Variants in CPED1 observed in about 807,000 individuals in gnomAD.
CPED1 encodes cadherin like and PC-esterase domain containing 1.
CPED1 carries 114 observed loss-of-function variants against 128.2 expected under a neutral mutation model. That is an observed-to-expected ratio of 0.89 (90% CI 0.76 to 1.04). The LOEUF (loss-of-function observed/expected upper bound fraction) is 1.04, where lower values mean the gene tolerates loss of function less well. CPED1 is among the 50% of genes least tolerant of loss of function. The pLI is 0.00. For synonymous variants in CPED1, 462 were observed against 426.7 expected (o/e 1.08, Z -1.02); for missense variants, 1,211 against 1,207.1 (o/e 1.00, Z -0.05).
At chr7:121,139,925 T>C (rs1449807525) in intron 14 of CPED1, among the ~76,000 whole-genome samples, 4 of 152,112 alleles carry the variant, frequency 2.6e-5, no homozygotes, top group Non-Finnish European at 4.4e-5. Context: ...GAATTTTGTA[T>C]GTTTATCTTT....
At chr7:121,273,733 G>A (rs1444418287) in intron 22 of CPED1, among the ~76,000 whole-genome samples, 2 of 152,248 alleles carry the variant, frequency 1.3e-5, no homozygotes, top group Non-Finnish European at 2.9e-5. Context: ...CTTGAAGCTG[G>A]ATCATGCTGT....
At chr7:121,235,461 T>G (rs2116662474) in intron 16 of CPED1, among the ~76,000 whole-genome samples, 1 of 152,186 alleles carries the variant, frequency 6.6e-6, no homozygotes, top group South Asian at 2.1e-4. Context: ...TTGTATGAGA[T>G]CTGGGAATCT....
chr7:121,070,958 A>G (rs6969892), intron 5 of CPED1, among the ~76,000 whole-genome samples: 1 of 152,162 alleles, frequency 6.6e-6, no homozygotes, highest in Non-Finnish European at 1.5e-5. Flanking sequence ...GACTTGATCC[A>G]GGGACAGATT....
At chr7:121,285,404 T>C (rs1350668391) in intron 22 of CPED1, among the ~76,000 whole-genome samples, 1 of 152,258 alleles carries the variant, frequency 6.6e-6, no homozygotes, top group Non-Finnish European at 1.5e-5. Flanking sequence ...TCATTACTGA[T>C]GCAAATTTCT....
intron 16 of CPED1, among the ~76,000 whole-genome samples, chr7:121,218,753 G>A (rs948471761): frequency 6.6e-6 from 1 of 152,054 alleles, no homozygotes; most frequent in African/African-American, 2.4e-5. Context: ...AATACCTAAT[G>A]TAGATGACGG....
chr7:121,119,178 A>C (rs1298454046), intron 7 of CPED1, among the ~76,000 whole-genome samples: 1 of 151,638 alleles, frequency 6.6e-6, no homozygotes, highest in Non-Finnish European at 1.5e-5. Context: ...CTGAAATTCT[A>C]AAGTTTAAAT....
At chr7:121,034,774 A>C (rs756172020) in intron 3 of CPED1, among the ~76,000 whole-genome samples, 1 of 152,138 alleles carries the variant, frequency 6.6e-6, no homozygotes, top group Non-Finnish European at 1.5e-5. Flanking sequence ...ATGGTCAAAG[A>C]TGGGGCCTGA....
At chr7:121,041,385 T>A (rs376969998) in intron 3 of CPED1, among the ~76,000 whole-genome samples, 2 of 82 alleles carry the variant, frequency 0.024, no homozygotes, top group Non-Finnish European at 0.14. Flanking sequence ...TACAGAAAAA[T>A]ATATATATAT....
At chr7:121,133,776 T>G (rs1477865553) in intron 12 of CPED1, 47 bp from the exon 13 acceptor site, 1 of 1,281,996 alleles carries the variant, frequency 7.8e-7, no homozygotes, top group Non-Finnish European at 1.1e-6. Context: ...TTTCCACGCG[T>G]TTTGTTCATT....
intron 18 of CPED1, 65 bp downstream of exon 18, chr7:121,244,403 AGTT>A: frequency 6.4e-7 from 1 of 1,557,204 alleles, no homozygotes; most frequent in South Asian, 1.1e-5. Context: ...AAAATCGTAT[AGTT>A]GTATCTACTA....
Position 121,132,665 on chromosome 7 carries a change from A to G in CPED1, c.1578-1158A>G, listed in dbSNP as rs1795699488. On this transcript the variant is annotated intron_variant, in intron 12 of 22. Coordinates refer to ENST00000310396, the MANE Select transcript of CPED1 (RefSeq NM_024913.5). ...TCCTAGAAGTACAGTTGCATTGTAC[A>G]TTACTCTAAGGAAATGCTTTCAATG... 3.9e-5 allele frequency among the ~76,000 whole-genome samples: 6 copies of G among 152,178 alleles called. No individual in the cohort carries two copies. In the South Asian group the frequency reaches 1.0e-3, roughly 26 times the overall value.
intron 5 of CPED1, among the ~76,000 whole-genome samples, chr7:121,085,218 A>T (rs553138410): frequency 3.8e-4 from 58 of 152,236 alleles, no homozygotes; most frequent in Non-Finnish European, 7.5e-4. Flanking sequence ...GTCTGTGCTG[A>T]GGTGCCATGT....
chr7:120,997,940 AATAAAATAAAAT>A (rs1796437530), intron 2 of CPED1, among the ~76,000 whole-genome samples: 45 of 130,658 alleles, frequency 3.4e-4, no homozygotes, highest in African/African-American at 1.6e-3. Context: ...AATAAAATAA[AATAAAATAAAAT>A]AAAATAAAAT....
intron 7 of CPED1, among the ~76,000 whole-genome samples, chr7:121,107,865 A>G (rs957387841): frequency 2.6e-5 from 4 of 152,128 alleles, no homozygotes; most frequent in Admixed American, 6.6e-5. Context: ...AATATCCTCA[A>G]ATGTGCCAAC....
chr7:121,070,832 T>A (rs910682327), intron 5 of CPED1, among the ~76,000 whole-genome samples: 1 of 152,158 alleles, frequency 6.6e-6, no homozygotes, highest in African/African-American at 2.4e-5. Flanking sequence ...TCTAGCCAGA[T>A]TGATCTTCCT....
At chr7:121,249,847 CTT>C (rs552805392) in intron 18 of CPED1, among the ~76,000 whole-genome samples, 138 of 152,270 alleles carry the variant, frequency 9.1e-4, no homozygotes, top group African/African-American at 3.2e-3. Context: ...TATAAAGAGA[CTT>C]AGACTCCCAC....
In CPED1 at chr7:121,141,957, C is replaced by A. The variant is rs1260998786; in HGVS notation, c.1887-16C>A. The A allele has an allele frequency of 6.2e-7, 1 of 1,606,510 alleles. No individual in the cohort carries two copies. Among genetic ancestry groups the A allele is most frequent in the Non-Finnish European group, 8.5e-7 (1 of 1,174,260 alleles). ...CCCTATTCATATTCTATTTCTCTCT[C>A]CCTCTTTCTCTCCAGCTTTGCCAGC... On this transcript the variant is annotated splice_polypyrimidine_tract_variant and intron_variant, in intron 15 of 22. Transcript: ENST00000310396.
At chr7:121,218,211 T>C (rs1584605913) in intron 16 of CPED1, among the ~76,000 whole-genome samples, 1 of 151,198 alleles carries the variant, frequency 6.6e-6, no homozygotes. Flanking sequence ...GCCAGGCTGG[T>C]CTGAAACTCC....
chr7:121,096,281 CTT>C (rs1794697161), intron 5 of CPED1, among the ~76,000 whole-genome samples: 1 of 152,132 alleles, frequency 6.6e-6, no homozygotes, highest in African/African-American at 2.4e-5. Context: ...AACAGCTTGA[CTT>C]CTGCTGACTT....
Sources: allele counts gnomAD v4.1 joint callset (sites outside exome capture counted in the v4.1 genomes callset), GRCh38; gene constraint gnomAD v4.1.1; transcripts MANE v1.5; gene names NCBI Gene and HGNC (gene_info 2026-07-23, HGNC 2026-07-21).